Variants in ANKS1B observed in about 807,000 individuals in gnomAD.
The protein encoded by ANKS1B is ankyrin repeat and sterile alpha motif domain containing 1B, also known as ankyrin repeat and sterile alpha motif domain-containing protein 1B.
ANKS1B carries 36 observed loss-of-function variants against 148.3 expected under a neutral mutation model. The observed-to-expected ratio is 0.24, with a 90% CI of 0.19 to 0.32. The LOEUF is 0.32. Among genes scored for constraint, ANKS1B ranks in the 10% least tolerant of loss-of-function variants. ANKS1B has a pLI of 1.00. For missense variants in ANKS1B, 1,157 were observed against 1,542.6 expected (o/e 0.75, Z 4.19); for synonymous variants, 542 against 560.8 (o/e 0.97, Z 0.47).
At chr12:99,842,387 C>A (rs1205419019) in intron 1 of ANKS1B, among the ~76,000 whole-genome samples, 3 of 152,036 alleles carry the variant, frequency 2.0e-5, no homozygotes, top group Admixed American at 1.3e-4. Context: ...GACAAAAGTT[C>A]TTTGATTAAC....
intron 14 of ANKS1B, among the ~76,000 whole-genome samples, chr12:99,163,491 GTGTGTGTGTGTGTT>G (rs1384438046): frequency 6.8e-6 from 1 of 148,062 alleles, no homozygotes; most frequent in Non-Finnish European, 1.5e-5. Flanking sequence ...GTGTGTGTGT[GTGTGTGTGTGTGTT>G]TAGTTCTGTA....
chr12:99,258,586 A>T (rs2153979825), intron 12 of ANKS1B, among the ~76,000 whole-genome samples: 1 of 147,358 alleles, frequency 6.8e-6, no homozygotes, highest in Non-Finnish European at 1.5e-5. Flanking sequence ...TTTTAGAAAT[A>T]TTAGGGAGAA....
At chr12:99,784,423 T>G (rs191787792) in intron 4 of ANKS1B, among the ~76,000 whole-genome samples, 1 of 152,122 alleles carries the variant, frequency 6.6e-6, no homozygotes, top group Admixed American at 6.5e-5. Flanking sequence ...CCACCCGTCT[T>G]GGCCTCCCAA....
chr12:98,843,198 G>A (rs1595255921), intron 17 of ANKS1B, among the ~76,000 whole-genome samples: 1 of 152,318 alleles, frequency 6.6e-6, no homozygotes, highest in East Asian at 1.9e-4. Context: ...GTTGGCAGAT[G>A]GGGCCTAATG....
chr12:99,679,258 T>C (rs1358617662), intron 8 of ANKS1B, among the ~76,000 whole-genome samples: 2 of 152,242 alleles, frequency 1.3e-5, no homozygotes, highest in Non-Finnish European at 2.9e-5. Context: ...TGTTAAATAA[T>C]TTAAATGGCA....
intron 15 of ANKS1B, among the ~76,000 whole-genome samples, chr12:99,120,992 A>T (rs1307358828): frequency 6.6e-6 from 1 of 152,202 alleles, no homozygotes; most frequent in African/African-American, 2.4e-5. Flanking sequence ...AATGATGACT[A>T]ACCTAATTTG....
chr12:99,879,075 G>T (rs561886535), intron 1 of ANKS1B, among the ~76,000 whole-genome samples: 11 of 152,260 alleles, frequency 7.2e-5, no homozygotes, highest in Admixed American at 2.0e-4. Context: ...TAGAAGCTGC[G>T]TGCATGTGGC....
intron 10 of ANKS1B, among the ~76,000 whole-genome samples, chr12:99,502,501 T>A (rs564074414): frequency 7.7e-6 from 1 of 130,316 alleles, no homozygotes; most frequent in Non-Finnish European, 1.5e-5. Context: ...AGGGTTTCAG[T>A]ATTTGATTCC....
At chr12:99,763,859 G>A (rs1276803865) in intron 8 of ANKS1B, among the ~76,000 whole-genome samples, 1 of 152,054 alleles carries the variant, frequency 6.6e-6, no homozygotes, top group Non-Finnish European at 1.5e-5. Flanking sequence ...TGTAATACAG[G>A]ATATCCTTCT....
chr12:99,387,423 C>A (rs950591542), intron 12 of ANKS1B, among the ~76,000 whole-genome samples: 7 of 152,140 alleles, frequency 4.6e-5, no homozygotes, highest in African/African-American at 1.7e-4. Flanking sequence ...GGAGACCATC[C>A]TGGCCAACAT....
intron 12 of ANKS1B, among the ~76,000 whole-genome samples, chr12:99,273,526 T>C (rs1201036336): frequency 1.3e-5 from 2 of 151,946 alleles, no homozygotes; most frequent in African/African-American, 4.8e-5. Flanking sequence ...CCAACACAAA[T>C]TTGCAAACGT....
intron 2 of ANKS1B, among the ~76,000 whole-genome samples, chr12:99,824,078 T>C (rs555640148): frequency 4.6e-5 from 7 of 152,304 alleles, no homozygotes; most frequent in Non-Finnish European, 8.8e-5. Flanking sequence ...ATTTGAGCTC[T>C]TTTTTTAAAT....
At chr12:99,865,166 A>G (rs764536031) in intron 1 of ANKS1B, among the ~76,000 whole-genome samples, 26 of 152,218 alleles carry the variant, frequency 1.7e-4, no homozygotes, top group Non-Finnish European at 3.1e-4. Flanking sequence ...CAAAAGTTAC[A>G]TCCTGGTGGA....
chr12:98,963,770 A>C (rs545046214), intron 17 of ANKS1B, among the ~76,000 whole-genome samples: 2 of 152,144 alleles, frequency 1.3e-5, no homozygotes, highest in African/African-American at 4.8e-5. Flanking sequence ...AAGGATTAAT[A>C]ACCAGAACGT....
intron 1 of ANKS1B, among the ~76,000 whole-genome samples, chr12:99,881,920 G>C (rs374132186): frequency 2.0e-5 from 3 of 152,236 alleles, no homozygotes; most frequent in South Asian, 2.1e-4. Context: ...GCATTACAAA[G>C]AGCCAGAAAA....
At chr12:99,108,896 G>A (rs2059748554) in intron 15 of ANKS1B, among the ~76,000 whole-genome samples, 1 of 152,098 alleles carries the variant, frequency 6.6e-6, no homozygotes, top group African/African-American at 2.4e-5. Flanking sequence ...GACATGGAAT[G>A]GACAAAAGAG....
At position 99,405,648 on chromosome 12, in the gene ANKS1B, A is replaced by C. The variant is rs998511731; in HGVS notation, c.1576-5837T>G. ...GAAGGAGGAGATCACACAAAAAACT[A>C]GAAAACAAATAACACAATGGCAGGA... On this transcript the variant is annotated intron_variant, in intron 11 of 26. Transcript: ENST00000683438. 6.2e-5 allele frequency among the ~76,000 whole-genome samples: 9 copies of C among 145,262 alleles called. 1 individual carries two copies. The highest frequency in any genetic ancestry group is 2.3e-4 in the African/African-American group (9 of 38,366).
intron 14 of ANKS1B, among the ~76,000 whole-genome samples, chr12:99,224,504 C>A (rs1235139009): frequency 6.6e-6 from 1 of 152,094 alleles, no homozygotes. Flanking sequence ...AGCACCTCCC[C>A]CTTCTCTCTC....
chr12:99,859,763 C>T (rs1172932316), intron 1 of ANKS1B, among the ~76,000 whole-genome samples: 2 of 151,998 alleles, frequency 1.3e-5, no homozygotes, highest in Non-Finnish European at 2.9e-5. Context: ...TCTCCTGCCT[C>T]AGCCTCCTGA....
Sources: gnomAD v4.1 joint callset for allele counts (sites outside exome capture counted in the v4.1 genomes callset) on GRCh38, gnomAD v4.1.1 for gene constraint, MANE v1.5 for transcripts, NCBI Gene and HGNC (gene_info 2026-07-23, HGNC 2026-07-21) for gene names.